Variants in IL17RB observed in about 807,000 individuals in gnomAD.
IL17RB encodes interleukin 17 receptor B.
In IL17RB, 36 loss-of-function variants were observed where a neutral mutation model predicts 43.9. The observed-to-expected ratio is 0.82, with a 90% CI of 0.63 to 1.08. The LOEUF (loss-of-function observed/expected upper bound fraction) is 1.08. Among genes scored for constraint, IL17RB ranks in the 50% least tolerant of loss-of-function variants. The pLI is 0.00. For synonymous variants in IL17RB, 225 were observed against 225.4 expected (o/e 1.00, Z 0.02); for missense variants, 613 against 613.6 (o/e 1.00, Z 0.01).
intron 10 of IL17RB, among the ~76,000 whole-genome samples, chr3:53,861,783 TGAG>T (rs1559783398): frequency 6.6e-6 from 1 of 152,100 alleles, no homozygotes; most frequent in Non-Finnish European, 1.5e-5. Context: ...AGAAAATCAC[TGAG>T]GAGAAAGGAT....
chr3:53,859,806 G>A, intron 9 of IL17RB: 1 of 187,596 alleles, frequency 5.3e-6, no homozygotes, highest in Non-Finnish European at 1.1e-5. Context: ...GATATGATTG[G>A]CAGACTCTCT....
chr3:53,850,879 A>G (rs1388240253), intron 3 of IL17RB, among the ~76,000 whole-genome samples: 1 of 152,166 alleles, frequency 6.6e-6, no homozygotes, highest in African/African-American at 2.4e-5. Flanking sequence ...AGGAAGTATG[A>G]GGAGCACACC....
Position 53,857,612 on chromosome 3 carries a change from T to G in IL17RB, c.673-4T>G, listed in dbSNP as rs1040687009. The G allele has an allele frequency of 3.7e-6, 6 of 1,613,850 alleles. No homozygotes were observed. The highest frequency in any genetic ancestry group is 5.1e-6 in the Non-Finnish European group (6 of 1,179,742). On this transcript the variant is annotated splice_polypyrimidine_tract_variant and splice_region_variant and intron_variant, in intron 7 of 10. Transcript: ENST00000288167. ...TCATAATTCTTGACTCTCTCTCTCT[T>G]AAGCCACACCAGAAGAAACAAACGC...
At chr3:53,847,935 C>T (rs990394927) in intron 1 of IL17RB, among the ~76,000 whole-genome samples, 10 of 152,336 alleles carry the variant, frequency 6.6e-5, no homozygotes, top group African/African-American at 2.2e-4. Flanking sequence ...AATGTGGATG[C>T]TCAGCAGCAT....
At chr3:53,859,673 T>G (rs574180301) in intron 9 of IL17RB, 1 of 153,958 alleles carries the variant, frequency 6.5e-6, no homozygotes, top group South Asian at 2.0e-4. Flanking sequence ...TAGTTCCTAC[T>G]GTGAAAATGC....
intron 5 of IL17RB, among the ~76,000 whole-genome samples, 173 bp from the exon 6 acceptor site, chr3:53,855,116 CAAAAA>C (rs746854673): frequency 1.4e-5 from 1 of 69,372 alleles, no homozygotes; most frequent in Non-Finnish European, 2.8e-5. Flanking sequence ...GACTCCGGCT[CAAAAA>C]AAAAAAAAAA....
Position 53,860,190 on chromosome 3 carries a change from G to A in IL17RB, c.908G>A (p.Trp303Ter), listed in dbSNP as rs1699509530. 6.2e-7 allele frequency: 1 copy of A among 1,613,944 alleles called. No individual in the cohort carries two copies. Among genetic ancestry groups the A allele is most frequent in the Non-Finnish European group, 8.5e-7 (1 of 1,179,862 alleles). Residue 303 changes from tryptophan (W) to a stop codon, truncating the protein, a stop_gained, in exon 10 of 11, where the codon TGG becomes TAG. Coordinates refer to ENST00000288167, the MANE Select transcript of IL17RB (RefSeq NM_018725.4). LOFTEE classifies it low-confidence loss of function (END_TRUNC). ...CTGCTGTCTCTGCTGGTGGCCACAT[G>A]GGTGCTGGTGGCAGGGATCTATCTA... ...LLLLSLLVAT[W>*]VLVAGIYLMW... is the part of the protein sequence containing the mutation.
intron 10 of IL17RB, among the ~76,000 whole-genome samples, chr3:53,863,408 CCTCTT>C (rs1164208802): frequency 6.6e-6 from 1 of 152,044 alleles, no homozygotes; most frequent in African/African-American, 2.4e-5. Flanking sequence ...TAAAAAAACT[CCTCTT>C]CTCCATATGT....
rs192694933 is a variant in IL17RB at position 53,859,280 on chromosome 3, A to C, written c.847+462A>C. ...AATGGTACCGCCTCACTAGTGCCTG[A>C]GAACAGCATGTTCTGGAAAATGTCT... On this transcript the variant is annotated intron_variant, in intron 9 of 10. Coordinates refer to ENST00000288167, the MANE Select transcript of IL17RB (RefSeq NM_018725.4). The C allele has an allele frequency of 2.6e-5, 4 of 153,434 alleles. No individual in the cohort carries two copies. The East Asian group carries it at 7.7e-4, about 29-fold the overall frequency. The allele number at this position is 153,434 out of a possible 1,614,324, so 9.5% of individuals were successfully genotyped here.
intron 1 of IL17RB, 71 bp downstream of exon 1, chr3:53,846,719 G>A: frequency 1.4e-6 from 2 of 1,460,134 alleles, no homozygotes; most frequent in African/African-American, 1.4e-5. Context: ...CGTCTGATCC[G>A]CCAGTCCAGG....
intron 1 of IL17RB, among the ~76,000 whole-genome samples, chr3:53,847,797 A>G (rs1315134899): frequency 1.0e-5 from 1 of 99,964 alleles, no homozygotes; most frequent in African/African-American, 3.2e-5. Flanking sequence ...TCTGTCTCAG[A>G]AAAAGGAAAA....
chr3:53,854,334 C>T (rs943403224), intron 5 of IL17RB, among the ~76,000 whole-genome samples: 1 of 152,226 alleles, frequency 6.6e-6, no homozygotes, highest in Non-Finnish European at 1.5e-5. Flanking sequence ...AACATTAGTA[C>T]GTGTCTGTTA....
rs2276840 is a variant in IL17RB at position 53,857,070 on chromosome 3, C to G, written c.672+84C>G. ...GAAAATGGGGACAGTGTTGTCCAAA[C>G]GTGCTGGGCTACTTTGATGAATTCA... On this transcript the variant is annotated intron_variant, in intron 7 of 10. Transcript: ENST00000288167. 500,037 of 1,425,060 alleles carry G rather than the reference C, an allele frequency of 0.35. 88,737 individuals are homozygous for G. The highest frequency in any genetic ancestry group is 0.5 in the East Asian group (22,095 of 43,974). The allele number at this position is 1,425,060 out of a possible 1,614,324, so 88.3% of individuals were successfully genotyped here.
intron 10 of IL17RB, 154 bp downstream of exon 10, chr3:53,860,382 A>AT: frequency 3.8e-6 from 2 of 528,622 alleles, no homozygotes; most frequent in South Asian, 3.1e-5. Flanking sequence ...ACAGAGACTG[A>AT]TACGAGCATG....
intron 8 of IL17RB, 142 bp downstream of exon 8, chr3:53,857,832 T>C: frequency 1.3e-6 from 1 of 742,404 alleles, no homozygotes. Context: ...GGGGGCTCTT[T>C]CGCTGCAGCC....
intron 10 of IL17RB, 166 bp downstream of exon 10, chr3:53,860,394 C>A (rs1194098997): frequency 8.6e-6 from 4 of 464,782 alleles, no homozygotes; most frequent in East Asian, 6.4e-5. Flanking sequence ...ACGAGCATGA[C>A]TGGATTACAC....
At chr3:53,849,818 T>C (rs1699069973) in intron 3 of IL17RB, 23 bp downstream of exon 3, 1 of 1,583,302 alleles carries the variant, frequency 6.3e-7, no homozygotes, top group Non-Finnish European at 8.6e-7. Flanking sequence ...CCATCAGAGA[T>C]AAGGCCCAAA....
chr3:53,850,441 G>C (rs1699094719), intron 3 of IL17RB, among the ~76,000 whole-genome samples: 1 of 150,460 alleles, frequency 6.6e-6, no homozygotes, highest in Non-Finnish European at 1.5e-5. Flanking sequence ...AGCTTGCAGT[G>C]AGCTGTGATC....
chr3:53,849,615 C>A, intron 2 of IL17RB, 40 bp from the exon 3 acceptor site: 2 of 1,545,194 alleles, frequency 1.3e-6, no homozygotes, highest in Non-Finnish European at 8.8e-7. Flanking sequence ...TCAGACTGGG[C>A]TGGGAAAGAC....
Sources: allele counts gnomAD v4.1 joint callset (sites outside exome capture counted in the v4.1 genomes callset), GRCh38; gene constraint gnomAD v4.1.1; transcripts MANE v1.5; gene names NCBI Gene and HGNC (gene_info 2026-07-23, HGNC 2026-07-21).